Variants in SEM1 observed in about 807,000 individuals in gnomAD.
SEM1 encodes SEM1 26S proteasome subunit, also known as 26S proteasome complex subunit SEM1.
SEM1 carries 3 observed loss-of-function variants against 12.7 expected under a neutral mutation model. The ratio of observed to expected loss-of-function variants is 0.24; its 90% confidence interval spans 0.11 to 0.61. The LOEUF is 0.61. Among genes scored for constraint, SEM1 ranks in the 20% least tolerant of loss-of-function variants. The pLI is 0.88. For synonymous variants in SEM1, 30 were observed against 27.8 expected (o/e 1.08, Z -0.25); for missense variants, 59 against 81.3 (o/e 0.73, Z 1.06).
rs73708364 is a variant in SEM1, at chr7:96,594,125, G to T, written c.171-87427C>A. 6.1e-3 allele frequency among the ~76,000 whole-genome samples: 929 copies of T among 152,182 alleles called. 8 individuals carry two copies. Among genetic ancestry groups the T allele is most frequent in the African/African-American group, 0.021 (876 of 41,514 alleles). On this transcript the variant is annotated intron_variant and NMD_transcript_variant, in intron 2 of 3. Coordinates refer to the SEM1 transcript ENST00000466986. ...TTATATTTAGATTATTTCTAATTTT[G>T]CTGTTATAATTAGTGAGATAATGTC... is the stretch of plus-strand genomic sequence containing the variant.
downstream of SEM1, among the ~76,000 whole-genome samples, chr7:96,685,523 T>G (rs755415566): frequency 5.3e-5 from 8 of 152,216 alleles, no homozygotes; most frequent in Admixed American, 1.3e-4. Flanking sequence ...AAACCCTAAG[T>G]TGTGCAGAAT....
chr7:96,545,517 G>A (rs1444951648), intron 2 of SEM1, among the ~76,000 whole-genome samples: 1 of 152,036 alleles, frequency 6.6e-6, no homozygotes, highest in East Asian at 1.9e-4. Context: ...TTATTTGTTA[G>A]CACTTGGCTA....
At chr7:96,500,421 A>G (rs183346759), upstream of SEM1, among the ~76,000 whole-genome samples, 12 of 152,218 alleles carry the variant, frequency 7.9e-5, no homozygotes, top group African/African-American at 2.9e-4. Context: ...AATATGTCTC[A>G]CGAATGTAAC....
At chr7:96,509,077 C>G (rs541213210) in intron 2 of SEM1, among the ~76,000 whole-genome samples, 2 of 151,248 alleles carry the variant, frequency 1.3e-5, no homozygotes, top group South Asian at 4.2e-4. Flanking sequence ...ACTTCCATCT[C>G]CCAGGTTCAA....
At chr7:96,593,120 G>C (rs1413535863) in intron 2 of SEM1, among the ~76,000 whole-genome samples, 1 of 151,768 alleles carries the variant, frequency 6.6e-6, no homozygotes, top group East Asian at 1.9e-4. Context: ...GAATATCTGC[G>C]AGAGACCTTG....
At chr7:96,686,206 AAAT>A (rs1789756909), downstream of SEM1, among the ~76,000 whole-genome samples, 2 of 152,146 alleles carry the variant, frequency 1.3e-5, no homozygotes, top group Non-Finnish European at 1.5e-5. Context: ...GTAAAATTTC[AAAT>A]AATAATTTTT....
At chr7:96,702,546 G>C (rs1790302595) in intron 1 of SEM1, among the ~76,000 whole-genome samples, 1 of 152,164 alleles carries the variant, frequency 6.6e-6, no homozygotes, top group Non-Finnish European at 1.5e-5. Flanking sequence ...GACAATCTGA[G>C]AATCCAAATA....
intron 2 of SEM1, among the ~76,000 whole-genome samples, chr7:96,624,195 A>G (rs1301807452): frequency 6.6e-6 from 1 of 152,236 alleles, no homozygotes; most frequent in African/African-American, 2.4e-5. Context: ...GACATATAAG[A>G]AGATCTAAAA....
At chr7:96,651,370 T>C (rs1808977083) in intron 2 of SEM1, among the ~76,000 whole-genome samples, 1 of 152,010 alleles carries the variant, frequency 6.6e-6, no homozygotes, top group South Asian at 2.1e-4. Flanking sequence ...TGTGAGGAAG[T>C]TTTTCTGGAA....
intron 2 of SEM1, among the ~76,000 whole-genome samples, chr7:96,612,798 G>A (rs1240037564): frequency 1.3e-5 from 2 of 152,004 alleles, no homozygotes; most frequent in Non-Finnish European, 2.9e-5. Context: ...ACCACACCCG[G>A]CTAATTTTTT....
chr7:96,588,395 C>CGAG (rs1189186953), intron 2 of SEM1, among the ~76,000 whole-genome samples: 58 of 70,072 alleles, frequency 8.3e-4, no homozygotes, highest in African/African-American at 2.6e-3. Context: ...CACACACACA[C>CGAG]ACGAGAGAGA....
At chr7:96,615,954 C>T (rs1807706931) in intron 2 of SEM1, among the ~76,000 whole-genome samples, 1 of 152,122 alleles carries the variant, frequency 6.6e-6, no homozygotes, top group Admixed American at 6.5e-5. Context: ...CACTGATGGA[C>T]ACTTAGGTTG....
chr7:96,618,746 T>C (rs1448248899), downstream of SEM1, among the ~76,000 whole-genome samples: 3 of 152,126 alleles, frequency 2.0e-5, no homozygotes, highest in Admixed American at 2.0e-4. Context: ...TCAGTTTTTC[T>C]AAGATAACTA....
intron 1 of SEM1, among the ~76,000 whole-genome samples, chr7:96,705,298 C>T (rs556440350): frequency 1.7e-4 from 25 of 150,580 alleles, no homozygotes; most frequent in Middle Eastern, 3.4e-3. Context: ...CTCTTGTAAA[C>T]GCTATTGCTG....
chr7:96,534,947 C>A (rs1804744523), intron 2 of SEM1, among the ~76,000 whole-genome samples: 1 of 151,718 alleles, frequency 6.6e-6, no homozygotes, highest in Non-Finnish European at 1.5e-5. Context: ...ATAAATATAA[C>A]CCATATAAAT....
intron 2 of SEM1, among the ~76,000 whole-genome samples, chr7:96,666,987 C>A (rs1789188511): frequency 6.6e-6 from 1 of 152,138 alleles, no homozygotes; most frequent in Non-Finnish European, 1.5e-5. Flanking sequence ...CAAGTAAAAG[C>A]ATGATGTTAA....
chr7:96,517,338 A>T (rs1804127473), intron 2 of SEM1, among the ~76,000 whole-genome samples: 1 of 152,064 alleles, frequency 6.6e-6, no homozygotes, highest in African/African-American at 2.4e-5. Flanking sequence ...GTAAATGACA[A>T]ATCTCTGTAC....
intron 2 of SEM1, among the ~76,000 whole-genome samples, chr7:96,549,088 C>T (rs558696194): frequency 1.3e-5 from 2 of 152,242 alleles, no homozygotes; most frequent in East Asian, 1.9e-4. Context: ...GTCTTGCTGG[C>T]AAGAGGTAAT....
At chr7:96,630,758 C>A (rs1220496553) in intron 2 of SEM1, among the ~76,000 whole-genome samples, 2 of 152,106 alleles carry the variant, frequency 1.3e-5, no homozygotes, top group Non-Finnish European at 2.9e-5. Flanking sequence ...CTGAAGGCAG[C>A]AAGTCTCAGA....
Sources: gnomAD v4.1 joint callset for allele counts (sites outside exome capture counted in the v4.1 genomes callset) on GRCh38, gnomAD v4.1.1 for gene constraint, MANE v1.5 for transcripts, NCBI Gene and HGNC (gene_info 2026-07-23, HGNC 2026-07-21) for gene names.